The following ELP4 variants were observed in gnomAD, a reference collection of about 807,000 sequenced individuals.
The protein encoded by ELP4 is elongator acetyltransferase complex subunit 4, also known as elongator complex protein 4.
ELP4 carries 51 observed loss-of-function variants against 48.9 expected under a neutral mutation model. That is an observed-to-expected ratio of 1.04 (90% CI 0.83 to 1.32). The LOEUF is 1.32. ELP4 is among the 40% of genes most tolerant of loss of function. The pLI, the probability that ELP4 is intolerant of heterozygous loss-of-function variation, is 0.00. For synonymous variants in ELP4, 210 were observed against 189.2 expected, an observed-to-expected ratio of 1.11 and a Z score of -0.90; for missense variants, 519 against 514.6, an observed-to-expected ratio of 1.01 and a Z score of -0.08.
intron 3 of ELP4, among the ~76,000 whole-genome samples, chr11:31,578,829 T>G (rs1467756970): frequency 6.8e-6 from 1 of 146,036 alleles, no homozygotes; most frequent in East Asian, 2.0e-4. Context: ...CTAAAACCAT[T>G]AAAACCCTAG....
chr11:31,649,529 A>C (rs1945276886), intron 8 of ELP4: 1 of 151,754 alleles, frequency 6.6e-6, no homozygotes, highest in African/African-American at 2.4e-5. Context: ...TATAGCAGCT[A>C]CATAAAGGTC....
chr11:31,671,294 T>TA (rs1945801504), intron 9 of ELP4, among the ~76,000 whole-genome samples: 1 of 151,984 alleles, frequency 6.6e-6, no homozygotes, highest in Non-Finnish European at 1.5e-5. Context: ...GCACAAAACT[T>TA]AAAAGATCAA....
chr11:31,747,282 G>C (rs550554639), intron 9 of ELP4, among the ~76,000 whole-genome samples: 1 of 152,164 alleles, frequency 6.6e-6, no homozygotes, highest in East Asian at 1.9e-4. Flanking sequence ...TGAGATCTGG[G>C]GCCAAGTGGA....
chr11:31,654,134 A>G (rs1441394001), intron 9 of ELP4: 1 of 151,684 alleles, frequency 6.6e-6, no homozygotes, highest in Admixed American at 6.6e-5. Context: ...AGGTTTTCAC[A>G]AAGAGAGTTT....
chr11:31,622,818 A>T (rs1276301540), intron 5 of ELP4, among the ~76,000 whole-genome samples: 4 of 151,658 alleles, frequency 2.6e-5, no homozygotes, highest in Non-Finnish European at 5.9e-5. Context: ...TTTATATATT[A>T]GTATAAAGAA....
intron 8 of ELP4, chr11:31,648,765 T>C (rs768194305): frequency 4.0e-5 from 6 of 151,570 alleles, no homozygotes; most frequent in Non-Finnish European, 7.4e-5. Context: ...TTGATTAAAA[T>C]ATTGCAAAGG....
intron 9 of ELP4, among the ~76,000 whole-genome samples, chr11:31,728,776 A>T (rs1947127846): frequency 6.6e-6 from 1 of 152,220 alleles, no homozygotes; most frequent in South Asian, 2.1e-4. Flanking sequence ...AATGCATTTC[A>T]GGAAATTTTA....
chr11:31,527,808 T>G (rs1956322257), intron 2 of ELP4, among the ~76,000 whole-genome samples: 1 of 152,056 alleles, frequency 6.6e-6, no homozygotes, highest in South Asian at 2.1e-4. Context: ...CTGTGCTCCT[T>G]GTTGATCTTA....
chr11:31,539,422 C>G (rs1035914682), intron 2 of ELP4, among the ~76,000 whole-genome samples: 2 of 152,196 alleles, frequency 1.3e-5, no homozygotes, highest in African/African-American at 4.8e-5. Flanking sequence ...CACTGCACCT[C>G]CAGCCTGGGC....
At chr11:31,751,183 C>T (rs1947711358) in intron 9 of ELP4, among the ~76,000 whole-genome samples, 1 of 152,180 alleles carries the variant, frequency 6.6e-6, no homozygotes, top group Admixed American at 6.5e-5. Flanking sequence ...CTAACAAGTT[C>T]ACTGGTAGAA....
At chr11:31,780,440 G>A (rs745983250) in intron 9 of ELP4, among the ~76,000 whole-genome samples, 13 of 152,096 alleles carry the variant, frequency 8.5e-5, no homozygotes, top group Non-Finnish European at 1.5e-4. Context: ...ACAAAAGCAG[G>A]CAAAATCACA....
chr11:31,594,304 A>G (rs779923973), intron 3 of ELP4, among the ~76,000 whole-genome samples: 28 of 152,136 alleles, frequency 1.8e-4, no homozygotes, highest in Non-Finnish European at 4.0e-4. Flanking sequence ...AAATGTCATT[A>G]TTCTTAGTTG....
chr11:31,649,302 C>T (rs1169261618), intron 8 of ELP4: 1 of 151,634 alleles, frequency 6.6e-6, no homozygotes, highest in East Asian at 1.9e-4. Flanking sequence ...GGATCAGTGT[C>T]CTCGGGATGG....
rs986517105 is a variant in ELP4, at chr11:31,789,009, A to G, written c.*5485A>G. The G allele has an allele frequency of 1.0e-5, 2 of 199,600 alleles. No individual in the cohort carries two copies. The highest frequency in any genetic ancestry group is 2.1e-5 in the Non-Finnish European group (2 of 96,422). 12.4% of individuals were successfully genotyped at this position (199,600 alleles called of 1,614,324 possible). A position where few individuals can be genotyped will look rare whatever the true frequency, so the allele number is the denominator to read the frequency against. On this transcript the variant is annotated 3_prime_UTR_variant, in exon 10 of 10. Transcript: ENST00000640961. ...TAATTTTGATATGTAGTTGTGAACAACTTCAAAACACTTAAGTTTAAAACT... is the reference window on the plus strand; with the variant it reads ...TAATTTTGATATGTAGTTGTGAACAGCTTCAAAACACTTAAGTTTAAAACT...
intron 5 of ELP4, among the ~76,000 whole-genome samples, chr11:31,626,343 A>G (rs1592170182): frequency 6.6e-6 from 1 of 151,958 alleles, no homozygotes; most frequent in Admixed American, 6.6e-5. Context: ...TGGGATTGCT[A>G]TGCTCATGAC....
chr11:31,694,752 G>A (rs753564486), intron 9 of ELP4, among the ~76,000 whole-genome samples: 1 of 152,180 alleles, frequency 6.6e-6, no homozygotes, highest in Non-Finnish European at 1.5e-5. Flanking sequence ...ATTTTGGGCA[G>A]TACGGCCATT....
At chr11:31,703,798 A>G (rs1337847342) in intron 9 of ELP4, among the ~76,000 whole-genome samples, 2 of 152,222 alleles carry the variant, frequency 1.3e-5, no homozygotes, top group African/African-American at 4.8e-5. Flanking sequence ...CAATTGTTTT[A>G]TCTTCTAGTT....
At chr11:31,573,098 A>T (rs2133958911) in intron 3 of ELP4, among the ~76,000 whole-genome samples, 2 of 152,296 alleles carry the variant, frequency 1.3e-5, no homozygotes, top group South Asian at 4.1e-4. Context: ...TTTACATATA[A>T]TTTTATCAAT....
chr11:31,680,139 A>G (rs1946026269), intron 9 of ELP4, among the ~76,000 whole-genome samples: 2 of 152,094 alleles, frequency 1.3e-5, no homozygotes, highest in South Asian at 4.1e-4. Flanking sequence ...TGATGGATCT[A>G]AGATTTGTTG....
Sources: gnomAD v4.1 joint callset for allele counts (sites outside exome capture counted in the v4.1 genomes callset) on GRCh38, gnomAD v4.1.1 for gene constraint, MANE v1.5 for transcripts, NCBI Gene and HGNC (gene_info 2026-07-23, HGNC 2026-07-21) for gene names.